CYP7B1: variants seen among roughly 807,000 people sequenced by gnomAD.
CYP7B1 encodes the protein cytochrome P450 7B1.
CYP7B1 carries 29 observed loss-of-function variants against 42.7 expected under a neutral mutation model. That is an observed-to-expected ratio of 0.68 (90% confidence interval 0.51 to 0.93). The LOEUF is 0.93. CYP7B1 is among the 40% of genes least tolerant of loss of function. The pLI is 0.00. For missense variants in CYP7B1, 655 were observed against 600.5 expected (o/e 1.09, Z -0.95); for synonymous variants, 235 against 218.2 (o/e 1.08, Z -0.68).
At chr8:64,687,566 A>G (rs768855877) in intron 1 of CYP7B1, among the ~76,000 whole-genome samples, 5 of 152,240 alleles carry the variant, frequency 3.3e-5, no homozygotes, top group Non-Finnish European at 5.9e-5. Context: ...TGTGTGAATT[A>G]TATCTCAATT....
chr8:64,702,500 C>A (rs936104291), intron 1 of CYP7B1, among the ~76,000 whole-genome samples: 1 of 151,978 alleles, frequency 6.6e-6, no homozygotes, highest in African/African-American at 2.4e-5. Context: ...CGTTGTTTAT[C>A]AATTAAAGTG....
At chr8:64,769,035 G>A (rs1454279967) in intron 1 of CYP7B1, among the ~76,000 whole-genome samples, 2 of 151,902 alleles carry the variant, frequency 1.3e-5, no homozygotes, top group African/African-American at 4.8e-5. Context: ...TTAAAATATT[G>A]TTTTTAATGC....
At chr8:64,737,574 A>C (rs976929592) in intron 1 of CYP7B1, among the ~76,000 whole-genome samples, 4 of 152,192 alleles carry the variant, frequency 2.6e-5, no homozygotes, top group Non-Finnish European at 5.9e-5. Flanking sequence ...TTGTATAAGA[A>C]TCATATTTTT....
chr8:64,686,502 TGG>T (rs1390575777), intron 1 of CYP7B1, among the ~76,000 whole-genome samples: 2 of 33,476 alleles, frequency 6.0e-5, no homozygotes, highest in African/African-American at 3.0e-4. Context: ...GGGAGGGAGG[TGG>T]GGGGGGTCAG....
chr8:64,699,663 T>C (rs1806883110), intron 1 of CYP7B1, among the ~76,000 whole-genome samples: 1 of 152,150 alleles, frequency 6.6e-6, no homozygotes, highest in African/African-American at 2.4e-5. Flanking sequence ...TGTTCCATTT[T>C]TTGCTTAGTG....
chr8:64,737,403 T>TA (rs1424268144), intron 1 of CYP7B1, among the ~76,000 whole-genome samples: 1 of 152,228 alleles, frequency 6.6e-6, no homozygotes, highest in Admixed American at 6.5e-5. Context: ...TTTGGCCATG[T>TA]AAAATCTCAA....
In CYP7B1 at chr8:64,664,292, C is replaced by A. The variant is rs181618507; in HGVS notation, c.123-39753G>T. On this transcript the variant is annotated intron_variant, in intron 1 of 5. Coordinates refer to ENST00000310193, the MANE Select transcript of CYP7B1 (RefSeq NM_004820.5). Reference sequence around the variant, plus strand: ...GGAGCTCAGCATTTTTCAGGCCACACCATATATATTTACACACATACATAT... The same window carrying A: ...GGAGCTCAGCATTTTTCAGGCCACAACATATATATTTACACACATACATAT... 2.0e-5 allele frequency among the ~76,000 whole-genome samples: 3 copies of A among 152,258 alleles called. No homozygotes were observed. The East Asian group carries it at 5.8e-4, about 29-fold the overall frequency.
intron 1 of CYP7B1, among the ~76,000 whole-genome samples, chr8:64,752,097 C>T (rs775168885): frequency 2.6e-5 from 4 of 151,798 alleles, no homozygotes; most frequent in South Asian, 2.1e-4. Flanking sequence ...AAATGCCAGG[C>T]CACCTATAGA....
intron 1 of CYP7B1, among the ~76,000 whole-genome samples, chr8:64,711,067 T>C (rs1807072370): frequency 6.6e-6 from 1 of 152,148 alleles, no homozygotes; most frequent in South Asian, 2.1e-4. Flanking sequence ...TTCTGTTCTA[T>C]ATTTTTAGAA....
At chr8:64,606,407 C>T (rs1805283391) in intron 4 of CYP7B1, among the ~76,000 whole-genome samples, 1 of 152,230 alleles carries the variant, frequency 6.6e-6, no homozygotes, top group Admixed American at 6.5e-5. Flanking sequence ...ATCCTTTTAG[C>T]TTGTGGTGTG....
At chr8:64,733,143 G>A (rs1807438607) in intron 1 of CYP7B1, among the ~76,000 whole-genome samples, 1 of 152,112 alleles carries the variant, frequency 6.6e-6, no homozygotes. Flanking sequence ...AATACAATAT[G>A]TATGCACACA....
At chr8:64,768,867 A>G (rs1460575729) in intron 1 of CYP7B1, among the ~76,000 whole-genome samples, 4 of 152,162 alleles carry the variant, frequency 2.6e-5, no homozygotes, top group African/African-American at 9.7e-5. Flanking sequence ...TAAAAGAATC[A>G]CCTACCTTTG....
At chr8:64,740,615 G>GA (rs532739820) in intron 1 of CYP7B1, among the ~76,000 whole-genome samples, 43 of 141,744 alleles carry the variant, frequency 3.0e-4, no homozygotes, top group Middle Eastern at 3.7e-3. Flanking sequence ...AACAAGAAAA[G>GA]AAAAAAAAAA....
chr8:64,698,742 G>C (rs1806869469), intron 1 of CYP7B1, among the ~76,000 whole-genome samples: 1 of 152,120 alleles, frequency 6.6e-6, no homozygotes, highest in South Asian at 2.1e-4. Context: ...ACTCTGAACT[G>C]TACACTCTGA....
chr8:64,638,139 T>TC (rs1805800876), intron 1 of CYP7B1, among the ~76,000 whole-genome samples: 1 of 152,110 alleles, frequency 6.6e-6, no homozygotes, highest in Admixed American at 6.5e-5. Context: ...ATTTTTTTTT[T>TC]CATGTTCCTT....
At chr8:64,726,141 T>C (rs1244085458) in intron 1 of CYP7B1, among the ~76,000 whole-genome samples, 1 of 152,166 alleles carries the variant, frequency 6.6e-6, no homozygotes, top group Non-Finnish European at 1.5e-5. Flanking sequence ...AACAAACATG[T>C]AGGATAAGAA....
chr8:64,705,739 T>C (rs1367491035), intron 1 of CYP7B1, among the ~76,000 whole-genome samples: 4 of 152,082 alleles, frequency 2.6e-5, no homozygotes, highest in Non-Finnish European at 5.9e-5. Flanking sequence ...ATAGGCAATA[T>C]ACTTGATTAA....
At chr8:64,604,049 CA>C (rs1292980019) in intron 5 of CYP7B1, among the ~76,000 whole-genome samples, 2 of 152,072 alleles carry the variant, frequency 1.3e-5, no homozygotes, top group Non-Finnish European at 2.9e-5. Flanking sequence ...AGGGATGAAC[CA>C]GGGTGGATTA....
At chr8:64,734,729 T>C (rs1474544338) in intron 1 of CYP7B1, among the ~76,000 whole-genome samples, 1 of 152,206 alleles carries the variant, frequency 6.6e-6, no homozygotes, top group Admixed American at 6.5e-5. Flanking sequence ...TGAAGATTGT[T>C]CTAAGCATCT....
Sources: allele counts gnomAD v4.1 joint callset (sites outside exome capture counted in the v4.1 genomes callset), GRCh38; gene constraint gnomAD v4.1.1; transcripts MANE v1.5; gene names NCBI Gene and HGNC (gene_info 2026-07-23, HGNC 2026-07-21).